MCM3AP: variants seen among roughly 807,000 people sequenced by gnomAD.
MCM3AP encodes germinal-center associated nuclear protein.
MCM3AP carries 126 observed loss-of-function variants against 184.1 expected under a neutral mutation model. The observed-to-expected ratio is 0.68, with a 90% CI of 0.59 to 0.79. The LOEUF (loss-of-function observed/expected upper bound fraction) is 0.79, where lower values mean the gene tolerates loss of function less well. Among genes scored for constraint, MCM3AP ranks in the 30% least tolerant of loss-of-function variants. The pLI, the probability that MCM3AP is intolerant of heterozygous loss-of-function variation, is 0.00. For missense variants in MCM3AP, 2,496 were observed against 2,479.2 expected (o/e 1.01, Z -0.14); for synonymous variants, 1,002 against 979.3 (o/e 1.02, Z -0.43).
chr21:46,248,927 CAAGA>C (rs2080824244), intron 20 of MCM3AP, among the ~76,000 whole-genome samples: 1 of 151,836 alleles, frequency 6.6e-6, no homozygotes, highest in African/African-American at 2.4e-5. Context: ...AATAGAAGTT[CAAGA>C]GAGAACAGAA....
intron 9 of MCM3AP, 35 bp from the exon 10 acceptor site, chr21:46,267,177 C>A: frequency 6.3e-7 from 1 of 1,597,300 alleles, no homozygotes; most frequent in Non-Finnish European, 8.5e-7. Flanking sequence ...CAGTCTCAGA[C>A]GAAGGCCCAG....
Position 46,239,698 on chromosome 21 carries a change from T to G in MCM3AP, c.5633+1113A>C, listed in dbSNP as rs17183332. Among the ~76,000 whole-genome samples, 1,509 of 152,284 alleles carry G rather than the reference T, an allele frequency of 9.9e-3. 23 individuals are homozygous for G. The highest frequency in any genetic ancestry group is 0.034 in the African/African-American group (1,427 of 41,548). ...AGTTCAGAGGTTTGAGATACAAATT[T>G]GGAGCTGTCAGAATAGTGATGTTAC... On this transcript the variant is annotated intron_variant, in intron 26 of 27. Transcript: ENST00000291688.
intron 2 of MCM3AP, among the ~76,000 whole-genome samples, chr21:46,282,730 G>A (rs914135274): frequency 2.7e-5 from 4 of 150,876 alleles, no homozygotes; most frequent in Admixed American, 6.7e-5. Flanking sequence ...GCGTGAACCC[G>A]GGAAGTGGAG....
chr21:46,253,495 T>C (rs752241356), intron 19 of MCM3AP: 1 of 152,252 alleles, frequency 6.6e-6, no homozygotes, highest in Non-Finnish European at 1.5e-5. Context: ...GATTGTATCA[T>C]GGGGGTGGAA....
At chr21:46,273,642 G>A (rs2081216106) in intron 6 of MCM3AP, 57 bp from the exon 7 acceptor site, 2 of 1,378,022 alleles carry the variant, frequency 1.5e-6, no homozygotes, top group East Asian at 4.6e-5. Flanking sequence ...GCCAGGCATA[G>A]TTATGCCTGA....
chr21:46,270,866 C>T (rs1420002159), intron 8 of MCM3AP, among the ~76,000 whole-genome samples: 1 of 151,962 alleles, frequency 6.6e-6, no homozygotes, highest in Non-Finnish European at 1.5e-5. Flanking sequence ...TGAAATGTGC[C>T]GTTAAATTCA....
At chr21:46,279,163 C>G (rs2081293786) in intron 4 of MCM3AP, among the ~76,000 whole-genome samples, 1 of 151,904 alleles carries the variant, frequency 6.6e-6, no homozygotes, top group Non-Finnish European at 1.5e-5. Flanking sequence ...TGGAGCGCAC[C>G]TGTAATCTCA....
intron 18 of MCM3AP, 87 bp from the exon 19 acceptor site, chr21:46,254,613 G>T (rs962972449): frequency 6.5e-7 from 1 of 1,540,972 alleles, no homozygotes. Flanking sequence ...GAAGGGGCAG[G>T]TTGGAGGAAA....
At chr21:46,250,384 A>G (rs2080850621) in intron 20 of MCM3AP, 2 of 152,270 alleles carry the variant, frequency 1.3e-5, no homozygotes, top group Non-Finnish European at 2.9e-5. Flanking sequence ...GATTCCACCT[A>G]GTGTTCATGC....
chr21:46,246,466 T>C (rs775843278), intron 21 of MCM3AP, 62 bp from the exon 22 acceptor site: 9 of 1,359,550 alleles, frequency 6.6e-6, no homozygotes, highest in South Asian at 1.2e-5. Context: ...TGCTAACATA[T>C]CTCACTGTGC....
Position 46,243,545 on chromosome 21 carries a change from A to T in MCM3AP, c.5216T>A (p.Ile1739Asn), listed in dbSNP as rs774703292. 2 of 1,614,118 alleles carry T rather than the reference A, an allele frequency of 1.2e-6. No homozygotes were observed. The highest frequency in any genetic ancestry group is 2.2e-5 in the South Asian group (2 of 91,084). Residue 1739 changes from isoleucine to asparagine, a missense_variant, in exon 24 of 28, where the codon ATC becomes AAC. Physicochemically the swap from Ile to Asn is moderately radical, Grantham distance 149. This residue lies in a region of MCM3AP where 1,323 missense variants were observed against 1,273.4 expected (regional missense o/e 1.04). Coordinates refer to ENST00000291688, the MANE Select transcript of MCM3AP (RefSeq NM_003906.5). The stretch of plus-strand genomic sequence containing the variant: ...CAAGGCGATAAGATCATCCCATGGG[A>T]TCTCCATGACCGAGGGGCCTGCCCC... ...VHGAGPSVME[I>N]PWDDLIALCI...
At chr21:46,275,666 C>A (rs377489682) in intron 5 of MCM3AP, among the ~76,000 whole-genome samples, 1 of 152,074 alleles carries the variant, frequency 6.6e-6, no homozygotes, top group Admixed American at 6.6e-5. Context: ...CACTTTCAGC[C>A]GGAGTTTTCT....
chr21:46,241,775 G>A (rs560360887), intron 25 of MCM3AP: 1 of 152,286 alleles, frequency 6.6e-6, no homozygotes, highest in Non-Finnish European at 1.5e-5. Flanking sequence ...AATGGTTCAG[G>A]TTTCCTTTGC....
rs372658748 is a variant in MCM3AP at position 46,261,367 on chromosome 21, G to A, written c.3380C>T (p.Thr1127Met). ...AMEDLLTAAT[T>M]GILRHIAAEE... The stretch of plus-strand genomic sequence containing the variant: ...AGCTGCAATGTGCCTCAAAATGCCC[G>A]TGGTTGCAGCTGTTAACAAATCCTC... Residue 1127 changes from threonine (T) to methionine (M), a missense_variant, in exon 14 of 28, where the codon ACG becomes ATG. Physicochemically the swap from Thr to Met is moderately conservative, Grantham distance 81. This residue lies in a region of MCM3AP where 1,323 missense variants were observed against 1,273.4 expected (regional missense o/e 1.04). Transcript: ENST00000291688. The A allele has an allele frequency of 2.8e-5, 45 of 1,614,022 alleles. No homozygotes were observed. Among genetic ancestry groups the A allele is most frequent in the East Asian group, 2.0e-4 (9 of 44,876 alleles).
Position 46,240,806 on chromosome 21 carries a change from T to C in MCM3AP, c.5633+5A>G. 1.9e-6 allele frequency: 3 copies of C among 1,613,424 alleles called. No individual in the cohort carries two copies. Among genetic ancestry groups the C allele is most frequent in the Non-Finnish European group, 2.5e-6 (3 of 1,179,680 alleles). Reference sequence around the variant, plus strand: ...ACACATGAATTAGAAGGAAGTGGGCTTCACCTCTTGTTCTCTTCTTTCTCC... The same window carrying C: ...ACACATGAATTAGAAGGAAGTGGGCCTCACCTCTTGTTCTCTTCTTTCTCC... On this transcript the variant is annotated splice_donor_5th_base_variant and intron_variant, in intron 26 of 27. Coordinates refer to ENST00000291688, the MANE Select transcript of MCM3AP (RefSeq NM_003906.5).
chr21:46,278,052 G>A (rs2081277970), intron 4 of MCM3AP, among the ~76,000 whole-genome samples: 1 of 152,124 alleles, frequency 6.6e-6, no homozygotes, highest in South Asian at 2.1e-4. Flanking sequence ...TCGAGAGGCT[G>A]GGGTGAGAGG....
In MCM3AP at chr21:46,254,709, T is replaced by A; in HGVS notation, c.4001+67A>T. ...TCAGTTGGAGATGCATGAAGGGGGC[T>A]GCCAGTGTGACAGATTGGGGAACGG... is the stretch of plus-strand genomic sequence containing the variant. On this transcript the variant is annotated intron_variant, in intron 18 of 27. Transcript: ENST00000291688. The A allele has an allele frequency of 4.0e-6, 6 of 1,493,118 alleles. No individual in the cohort carries two copies. The South Asian group carries it at 6.8e-5, about 17-fold the overall frequency. The allele number at this position is 1,493,118 out of a possible 1,614,324, so 92.5% of individuals were successfully genotyped here. A position where few individuals can be genotyped will look rare whatever the true frequency, so the allele number is the denominator to read the frequency against.
At position 46,264,203 on chromosome 21, in the gene MCM3AP, C is replaced by T. The variant is rs1479844291; in HGVS notation, c.3249G>A (p.Val1083=). 2 of 1,612,316 alleles carry T rather than the reference C, an allele frequency of 1.2e-6. No homozygotes were observed. Among genetic ancestry groups the T allele is most frequent in the African/African-American group, 1.3e-5 (1 of 75,006 alleles). Residue 1083 remains valine (V), a synonymous_variant, in exon 13 of 28, where the codon GTG becomes GTA. Coordinates refer to ENST00000291688, the MANE Select transcript of MCM3AP (RefSeq NM_003906.5). ...PMYSDEDLAQ[V]VDELIQEALQ... is the part of the protein sequence containing the mutation. ...GGGCCTCCTGGATGAGCTCGTCCAC[C>T]ACCTGCGCCAGGTCCTGTGGAGAGA...
At chr21:46,254,306 A>AT in intron 19 of MCM3AP, 86 bp downstream of exon 19, 1 of 1,460,368 alleles carries the variant, frequency 6.8e-7, no homozygotes, top group Non-Finnish European at 9.6e-7. Context: ...CCCATCACAC[A>AT]TAAGAGGAAT....
Sources: gnomAD v4.1 joint callset for allele counts (sites outside exome capture counted in the v4.1 genomes callset) on GRCh38, gnomAD v4.1.1 for gene constraint, gnomAD v4.1.1 regional missense constraint, MANE v1.5 for transcripts, NCBI Gene and HGNC (gene_info 2026-07-23, HGNC 2026-07-21) for gene names.